The following TRDN variants were observed in gnomAD, a reference collection of about 807,000 sequenced individuals.
TRDN encodes the protein triadin in skeletal muscle.
A neutral mutation model predicts 149.7 loss-of-function variants in TRDN; 161 were observed. The observed-to-expected ratio is 1.08, with a 90% confidence interval of 0.95 to 1.23. The LOEUF (loss-of-function observed/expected upper bound fraction) is 1.23. Among genes scored for constraint, TRDN ranks in the 50% most tolerant of loss-of-function variants. The pLI is 0.00. For synonymous variants in TRDN, 294 were observed against 250.5 expected (o/e 1.17, Z -1.64); for missense variants, 896 against 823.5 (o/e 1.09, Z -1.08).
Position 123,221,539 on chromosome 6 carries a change from A to G in TRDN, c.2015-17T>C. 1 of 1,517,902 alleles carries G rather than the reference A, an allele frequency of 6.6e-7. No homozygotes were observed. Among genetic ancestry groups the G allele is most frequent in the African/African-American group, 1.4e-5 (1 of 71,912 alleles). 94.0% of individuals were successfully genotyped at this position (1,517,902 alleles called of 1,614,324 possible). On this transcript the variant is annotated splice_polypyrimidine_tract_variant and intron_variant, in intron 39 of 40. Coordinates refer to ENST00000334268, the MANE Select transcript of TRDN (RefSeq NM_006073.4). Reference sequence around the variant, plus strand: ...CAGTTCCTTCTAGTGGATAAAAAATATAAAAGTAAATAACTTGTACATTTA... The same window carrying G: ...CAGTTCCTTCTAGTGGATAAAAAATGTAAAAGTAAATAACTTGTACATTTA...
At chr6:123,407,480 C>T (rs900601630) in intron 12 of TRDN, among the ~76,000 whole-genome samples, 1 of 152,088 alleles carries the variant, frequency 6.6e-6, no homozygotes, top group Non-Finnish European at 1.5e-5. Context: ...TAGTGCTTCA[C>T]CAGGACTTTC....
chr6:123,252,383 A>T, intron 38 of TRDN, 29 bp downstream of exon 38: 2 of 1,417,324 alleles, frequency 1.4e-6, no homozygotes, highest in Non-Finnish European at 1.9e-6. Flanking sequence ...TATCAAAGAG[A>T]ACTTGTCATT....
intron 23 of TRDN, among the ~76,000 whole-genome samples, chr6:123,324,853 C>T (rs1779382356): frequency 6.6e-6 from 1 of 152,140 alleles, no homozygotes; most frequent in Non-Finnish European, 1.5e-5. Flanking sequence ...ATCAACTTGA[C>T]ATTTTGGCAT....
intron 36 of TRDN, 104 bp downstream of exon 36, chr6:123,255,759 CACAT>C: frequency 1.7e-6 from 1 of 590,986 alleles, no homozygotes. Context: ...TAACACTCAT[CACAT>C]ACATTTAGAA....
At chr6:123,623,393 C>CT (rs2114718295) in intron 1 of TRDN, among the ~76,000 whole-genome samples, 2 of 152,134 alleles carry the variant, frequency 1.3e-5, no homozygotes, top group South Asian at 4.2e-4. Context: ...CTATACTCAT[C>CT]TTTATGTTCT....
intron 16 of TRDN, 90 bp downstream of exon 16, chr6:123,381,280 G>A (rs936677560): frequency 1.9e-5 from 23 of 1,210,258 alleles, no homozygotes; most frequent in Middle Eastern, 3.9e-4. Flanking sequence ...TAGGAAAAGC[G>A]GATTCAAAAT....
At chr6:123,345,299 A>C (rs9372745) in intron 21 of TRDN, among the ~76,000 whole-genome samples, 28,066 of 151,818 alleles carry the variant, frequency 0.18, 3,541 homozygotes, top group East Asian at 0.63. Context: ...TTGCAACACC[A>C]ATTTGTTCAA....
chr6:123,432,308 C>T (rs1254967570), intron 12 of TRDN, among the ~76,000 whole-genome samples: 1 of 151,954 alleles, frequency 6.6e-6, no homozygotes, highest in African/African-American at 2.4e-5. Context: ...TCACCAGAGC[C>T]ACCTAATCAT....
At chr6:123,566,610 G>C (rs1480331845) in intron 2 of TRDN, among the ~76,000 whole-genome samples, 2 of 152,078 alleles carry the variant, frequency 1.3e-5, no homozygotes, top group African/African-American at 2.4e-5. Context: ...TGACTTTCTG[G>C]CCTTCCAAAT....
chr6:123,438,325 C>CT lies in TRDN; in HGVS notation c.992-204dup, dbSNP rs34201164. Among the ~76,000 whole-genome samples the CT allele has an allele frequency of 7.1e-4, 104 of 147,346 alleles. No homozygotes were observed. Among genetic ancestry groups the CT allele is most frequent in the East Asian group, 8.0e-4 (4 of 5,008 alleles). ...TATAATTTCTCTTCAGGAAACAGAACTTTTTTTTTTTTGCCAAAGGCAAAA... is the reference window on the plus strand; with the variant it reads ...TATAATTTCTCTTCAGGAAACAGAACTTTTTTTTTTTTTGCCAAAGGCAAAA... On this transcript the variant is annotated intron_variant, in intron 11 of 40. Transcript: ENST00000334268.
intron 12 of TRDN, among the ~76,000 whole-genome samples, chr6:123,408,434 T>C (rs779735369): frequency 6.6e-6 from 1 of 152,062 alleles, no homozygotes; most frequent in Non-Finnish European, 1.5e-5. Flanking sequence ...TCCCAACACT[T>C]TGGGAGGCCG....
intron 12 of TRDN, among the ~76,000 whole-genome samples, chr6:123,400,190 A>ATATATATATATATATATATAC (rs1562295327): frequency 2.1e-5 from 1 of 46,542 alleles, no homozygotes; most frequent in Admixed American, 2.2e-4. Flanking sequence ...TATATATATA[A>ATATATATATATATATATATAC]ACACACACAT....
chr6:123,486,453 A>G lies in TRDN; in HGVS notation c.853+10740T>C, dbSNP rs192418268. ...AATTCAATTATAATAAGACACTTTT[A>G]TTGTATTCCCGTTGATCCTTCAACT... On this transcript the variant is annotated intron_variant, in intron 9 of 40. Coordinates refer to ENST00000334268, the MANE Select transcript of TRDN (RefSeq NM_006073.4). Among the ~76,000 whole-genome samples the G allele has an allele frequency of 1.1e-4, 16 of 151,988 alleles. No individual in the cohort carries two copies. The East Asian group carries it at 3.1e-3, about 29-fold the overall frequency.
At chr6:123,279,900 A>G (rs1293173790) in intron 24 of TRDN, among the ~76,000 whole-genome samples, 1 of 152,194 alleles carries the variant, frequency 6.6e-6, no homozygotes, top group African/African-American at 2.4e-5. Context: ...AGCAAAGATA[A>G]CATAACAGGG....
At chr6:123,530,648 C>T in intron 4 of TRDN, 83 bp from the exon 5 acceptor site, 1 of 830,362 alleles carries the variant, frequency 1.2e-6, no homozygotes, top group South Asian at 2.5e-5. Context: ...ACTTTATAAA[C>T]CTACCACAAA....
chr6:123,519,764 T>C (rs1779588303), intron 5 of TRDN, among the ~76,000 whole-genome samples: 1 of 152,034 alleles, frequency 6.6e-6, no homozygotes, highest in Admixed American at 6.6e-5. Context: ...AGGTAAGCAT[T>C]ATATCTTTTC....
At chr6:123,396,175 A>G (rs1020507883) in intron 12 of TRDN, among the ~76,000 whole-genome samples, 1 of 152,212 alleles carries the variant, frequency 6.6e-6, no homozygotes, top group Non-Finnish European at 1.5e-5. Context: ...AAACACATTA[A>G]TCCAGACAGA....
intron 38 of TRDN, among the ~76,000 whole-genome samples, chr6:123,235,968 C>T (rs560815376): frequency 2.6e-5 from 4 of 152,240 alleles, no homozygotes; most frequent in East Asian, 3.9e-4. Context: ...CCAGATTTGG[C>T]GATTGTGAAT....
chr6:123,376,877 T>A (rs1299802278), intron 18 of TRDN, among the ~76,000 whole-genome samples: 1 of 151,792 alleles, frequency 6.6e-6, no homozygotes, highest in Non-Finnish European at 1.5e-5. Flanking sequence ...AAGGTTATGA[T>A]CACCCATACA....
Sources: allele counts gnomAD v4.1 joint callset (sites outside exome capture counted in the v4.1 genomes callset), GRCh38; gene constraint gnomAD v4.1.1; transcripts MANE v1.5; gene names NCBI Gene and HGNC (gene_info 2026-07-23, HGNC 2026-07-21).